Variants in DNAH1 observed in about 807,000 individuals in gnomAD.
DNAH1 encodes the protein axonemal beta dynein heavy chain 1.
Under a neutral mutation model 484.3 loss-of-function variants are expected in DNAH1, and 327 were observed. That is an observed-to-expected ratio of 0.68 (90% confidence interval 0.62 to 0.74). The LOEUF (loss-of-function observed/expected upper bound fraction) is 0.74, where lower values mean the gene tolerates loss of function less well. DNAH1 is among the 30% of genes least tolerant of loss of function. DNAH1 has a pLI of 0.00. For missense variants in DNAH1, 5,052 were observed against 5,546.8 expected, an observed-to-expected ratio of 0.91 and a Z score of 2.83; for synonymous variants, 2,192 against 2,191.9, an observed-to-expected ratio of 1.00 and a Z score of 0.00.
chr3:52,358,486 G>T lies in DNAH1; in HGVS notation c.4087-72G>T, dbSNP rs140215292. The T allele has an allele frequency of 4.2e-5, 62 of 1,483,184 alleles. 1 individual carries two copies. Among genetic ancestry groups the T allele is most frequent in the Non-Finnish European group, 5.5e-5 (61 of 1,102,272 alleles). The allele number at this position is 1,483,184 out of a possible 1,614,324, so 91.9% of individuals were successfully genotyped here. A position where few individuals can be genotyped will look rare whatever the true frequency, so the allele number is the denominator to read the frequency against. ...GTGGAGGGCACCGGGCAGGCTTAGC[G>T]CTGGGGCTGTGGTGGCCAGGGCATC... On this transcript the variant is annotated intron_variant, in intron 24 of 77. Coordinates refer to ENST00000420323, the MANE Select transcript of DNAH1 (RefSeq NM_015512.5). The surrounding 1 kb of genome is among the most constrained non-coding windows in gnomAD (Gnocchi z 4.2).
intron 8 of DNAH1, among the ~76,000 whole-genome samples, chr3:52,335,404 ATTTT>A (rs34295466): frequency 1.4e-5 from 1 of 73,746 alleles, no homozygotes; most frequent in Admixed American, 1.5e-4. Flanking sequence ...GCAATGTGTG[ATTTT>A]TTTTTTTTTT....
chr3:52,398,595 C>T (rs1308675355), intron 75 of DNAH1, among the ~76,000 whole-genome samples: 1 of 152,168 alleles, frequency 6.6e-6, no homozygotes, highest in Non-Finnish European at 1.5e-5. Context: ...GCCAACTCAG[C>T]CATATTTTTA....
At chr3:52,376,827 C>T (rs1703626227) in intron 46 of DNAH1, among the ~76,000 whole-genome samples, 1 of 149,724 alleles carries the variant, frequency 6.7e-6, no homozygotes, top group African/African-American at 2.4e-5. Context: ...GCACCTCTCA[C>T]CCTCTGAGAG....
intron 53 of DNAH1, 96 bp downstream of exon 53, chr3:52,385,073 C>G: frequency 5.0e-6 from 7 of 1,393,246 alleles, no homozygotes; most frequent in Non-Finnish European, 6.8e-6. Flanking sequence ...CTCCGCCTTT[C>G]AAACTGCAGC....
upstream of DNAH1, among the ~76,000 whole-genome samples, chr3:52,312,700 T>A (rs1395485259): frequency 6.6e-6 from 1 of 152,108 alleles, no homozygotes; most frequent in Non-Finnish European, 1.5e-5. Context: ...TCGCCCAGGC[T>A]GGAGTGCAGT....
At position 52,372,270 on chromosome 3, in the gene DNAH1, T is replaced by C. The variant is rs770523446; in HGVS notation, c.6710T>C (p.Ile2237Thr). 6.2e-7 allele frequency: 1 copy of C among 1,613,946 alleles called. No individual in the cohort carries two copies. Among genetic ancestry groups the C allele is most frequent in the South Asian group, 1.1e-5 (1 of 91,084 alleles). ...ACAGGCACGGGGAAGACGCTCACCA[T>C]CTCTGACAAGCTCCTCAAGAACCTG... ...GPTGTGKTLT[I>T]SDKLLKNLAL... The change falls in exon 43 of 78, where the codon ATC becomes ACC. Residue 2237 changes from isoleucine to threonine, a missense_variant. Transcript: ENST00000420323.
intron 8 of DNAH1, among the ~76,000 whole-genome samples, chr3:52,335,080 A>G (rs1701689904): frequency 6.7e-6 from 1 of 148,714 alleles, no homozygotes; most frequent in Admixed American, 6.7e-5. Flanking sequence ...GATTACAGGC[A>G]TGATCTATAA....
At chr3:52,326,960 A>C in intron 5 of DNAH1, 69 bp downstream of exon 5, 1 of 1,523,796 alleles carries the variant, frequency 6.6e-7, no homozygotes, top group Non-Finnish European at 8.9e-7. Flanking sequence ...GACGCTCAGG[A>C]GTCAGATCTG....
At position 52,392,408 on chromosome 3, in the gene DNAH1, C is replaced by T; in HGVS notation, c.10053-56C>T. 2.1e-5 allele frequency: 32 copies of T among 1,541,318 alleles called. No individual in the cohort carries two copies. In the South Asian group the frequency reaches 3.7e-4, roughly 18 times the overall value. ...GGTGGATGGGTGACCAGGTTCACGA[C>T]TAGCCCTCCGGGGCCCACCAGGTAT... On this transcript the variant is annotated intron_variant, in intron 63 of 77. Coordinates refer to ENST00000420323, the MANE Select transcript of DNAH1 (RefSeq NM_015512.5).
In DNAH1 at chr3:52,379,857, T is replaced by TGAGGGCTTGGGGGCC. The variant is rs1703763607; in HGVS notation, c.7378-47_7378-33dup. The TGAGGGCTTGGGGGCC allele has an allele frequency of 2.0e-6, 3 of 1,507,804 alleles. No homozygotes were observed. In the African/African-American group the frequency reaches 4.1e-5, roughly 21 times the overall value. 93.4% of individuals were successfully genotyped at this position (1,507,804 alleles called of 1,614,324 possible). A position where few individuals can be genotyped will look rare whatever the true frequency, so the allele number is the denominator to read the frequency against. ...CTTGCCTGGTGGTTTGAGAGATAGC[T>TGAGGGCTTGGGGGCC]GAGGGCTTGGGGGCCAAGGACAGGC... On this transcript the variant is annotated intron_variant, in intron 47 of 77. Transcript: ENST00000420323. The surrounding 1 kb of genome is among the most constrained non-coding windows in gnomAD (Gnocchi z 4.4).
intron 44 of DNAH1, chr3:52,374,941 A>C: frequency 2.0e-6 from 1 of 505,314 alleles, no homozygotes; most frequent in Non-Finnish European, 3.4e-6. Context: ...ATGTTTTTAT[A>C]AGATAGGACT....
In DNAH1 at chr3:52,396,744, T is replaced by G. The variant is rs1704647990; in HGVS notation, c.11557T>G (p.Cys3853Gly). 1 of 1,613,802 alleles carries G rather than the reference T, an allele frequency of 6.2e-7. No homozygotes were observed. The highest frequency in any genetic ancestry group is 8.5e-7 in the Non-Finnish European group (1 of 1,179,876). The change falls in exon 72 of 78, where the codon TGC becomes GGC. Residue 3853 changes from cysteine (C) to glycine (G), a missense_variant. Cys to Gly is a radical substitution (Grantham distance 159). Around this residue, in one of 4 missense-constraint regions of DNAH1, gnomAD observed 853 missense variants for 899.0 expected, o/e 0.95. Coordinates refer to ENST00000420323, the MANE Select transcript of DNAH1 (RefSeq NM_015512.5). ...GTTCACGGATGGAGATCTGCGCATC[T>G]GCATCAGCCAGCTCAAGATGTTCCT... ...YEFTDGDLRI[C>G]ISQLKMFLDE...
intron 28 of DNAH1, 39 bp downstream of exon 28, chr3:52,360,463 C>T: frequency 6.5e-7 from 1 of 1,543,602 alleles, no homozygotes; most frequent in Non-Finnish European, 8.9e-7. Flanking sequence ...CACTGAGACC[C>T]TCCCTCTAGT....
upstream of DNAH1, among the ~76,000 whole-genome samples, chr3:52,314,325 G>T (rs755078895): frequency 6.6e-6 from 1 of 152,146 alleles, no homozygotes; most frequent in African/African-American, 2.4e-5. Flanking sequence ...GGCCCAGGAA[G>T]GTGGGGACCA....
chr3:52,355,168 T>A lies in DNAH1; in HGVS notation c.3693+113T>A. 9.5e-7 allele frequency: 1 copy of A among 1,052,780 alleles called. No homozygotes were observed. 65.2% of individuals were successfully genotyped at this position (1,052,780 alleles called of 1,614,324 possible). ...TTCAAAGCATCGCAGTGCCTTGCCC[T>A]CATTCACACAGCCCCTGGCTCTCTG... On this transcript the variant is annotated intron_variant, in intron 21 of 77. Transcript: ENST00000420323. The surrounding 1 kb of genome is among the most constrained non-coding windows in gnomAD (Gnocchi z 4.5).
At position 52,358,737 on chromosome 3, in the gene DNAH1, G is replaced by GGT; in HGVS notation, c.4266+2_4266+3dup. On this transcript the variant is annotated frameshift_variant and splice_region_variant. Coordinates refer to ENST00000420323, the MANE Select transcript of DNAH1 (RefSeq NM_015512.5). LOFTEE classifies it high-confidence loss of function. This position sits in a 1 kb window ranked among gnomAD's most constrained non-coding sequence, Gnocchi z 4.2. ...AGAAGGCCATCAGGGCCTACCCCAC[G>GGT]GTGAGCCGCCCGCAGCCCGTGCAGC... 6.2e-7 allele frequency: 1 copy of GGT among 1,612,164 alleles called. No individual in the cohort carries two copies. Among genetic ancestry groups the GGT allele is most frequent in the Non-Finnish European group, 8.5e-7 (1 of 1,179,594 alleles).
chr3:52,388,599 G>A lies in DNAH1; in HGVS notation c.9353G>A (p.Arg3118Gln), dbSNP rs376339316. ...GAGCAGTGTGAGCAGCGGCTGGGCC[G>A]AGCTGGCAAGGTGCGCACCCTCCTC... ...KCEQCEQRLGRAGKLINGLSD... is the reference protein window; with the variant it reads ...KCEQCEQRLGQAGKLINGLSD... The change falls in exon 58 of 78, where the codon CGA (arginine) becomes CAA (glutamine). Residue 3118 changes from arginine (R) to glutamine (Q), a missense_variant. Arg to Gln is a conservative substitution (Grantham distance 43, BLOSUM62 1). This residue lies in a region of DNAH1 where 2,929 missense variants were observed against 3,409.4 expected (regional missense o/e 0.86). Coordinates refer to ENST00000420323, the MANE Select transcript of DNAH1 (RefSeq NM_015512.5). The A allele has an allele frequency of 1.1e-5, 17 of 1,611,746 alleles. No individual in the cohort carries two copies. The highest frequency in any genetic ancestry group is 2.2e-5 in the East Asian group (1 of 44,836).
chr3:52,374,328 T>G, intron 44 of DNAH1: 1 of 1,525,854 alleles, frequency 6.6e-7, no homozygotes, highest in Non-Finnish European at 9.1e-7. Context: ...TTGCACAAAG[T>G]GAAATCTCTT....
chr3:52,367,718 C>T (rs1296475783), intron 36 of DNAH1, among the ~76,000 whole-genome samples: 1 of 152,160 alleles, frequency 6.6e-6, no homozygotes. Flanking sequence ...GGATTACAGG[C>T]ATGTGCCACC....
Sources: allele counts gnomAD v4.1 joint callset (sites outside exome capture counted in the v4.1 genomes callset), GRCh38; gene constraint gnomAD v4.1.1; regional missense constraint gnomAD v4.1.1; non-coding constraint Gnocchi (gnomAD v3.1); transcripts MANE v1.5; gene names NCBI Gene and HGNC (gene_info 2026-07-23, HGNC 2026-07-21).